Variants in TLL1 observed in about 807,000 individuals in gnomAD.
TLL1 encodes tolloid-like protein 1.
TLL1 carries 49 observed loss-of-function variants against 128.2 expected under a neutral mutation model. The ratio of observed to expected loss-of-function variants is 0.38; its 90% CI spans 0.30 to 0.48. The LOEUF (loss-of-function observed/expected upper bound fraction) is 0.48, where lower values mean the gene tolerates loss of function less well. Ranked by LOEUF, TLL1 falls within the 20% of genes least tolerant of loss-of-function variation. TLL1 has a pLI of 0.96. For synonymous variants in TLL1, 454 were observed against 418.8 expected (o/e 1.08, Z -1.03); for missense variants, 1,123 against 1,242.0 (o/e 0.90, Z 1.44).
intron 18 of TLL1, among the ~76,000 whole-genome samples, chr4:166,087,071 T>C (rs1741553824): frequency 6.6e-6 from 1 of 152,188 alleles, no homozygotes; most frequent in Non-Finnish European, 1.5e-5. Flanking sequence ...CTGTCTTGGT[T>C]CTGAAAGACT....
In TLL1 at chr4:166,039,525, G is replaced by C; in HGVS notation, c.1261+84G>C. 4.1e-6 allele frequency: 4 copies of C among 968,122 alleles called. No homozygotes were observed. The South Asian group carries it at 5.4e-5, about 13-fold the overall frequency. 60.0% of individuals were successfully genotyped at this position (968,122 alleles called of 1,614,324 possible). On this transcript the variant is annotated intron_variant, in intron 10 of 20. Coordinates refer to ENST00000061240, the MANE Select transcript of TLL1 (RefSeq NM_012464.5). ...CCAACCGATTCTCTCAAGAGTCATC[G>C]TAGAGTTAAAAATGTGTGTGACTAA...
At chr4:165,902,207 G>GT (rs1194399232) in intron 1 of TLL1, among the ~76,000 whole-genome samples, 1 of 152,060 alleles carries the variant, frequency 6.6e-6, no homozygotes, top group Non-Finnish European at 1.5e-5. Context: ...TGCTGAGCTA[G>GT]ACCACTTGGG....
At chr4:166,051,802 G>A (rs140186514) in intron 12 of TLL1, among the ~76,000 whole-genome samples, 2 of 152,134 alleles carry the variant, frequency 1.3e-5, no homozygotes, top group East Asian at 3.9e-4. Context: ...TTATTTTCTA[G>A]GCAACTCAAA....
intron 1 of TLL1, among the ~76,000 whole-genome samples, chr4:165,981,340 T>G (rs1242588992): frequency 1.3e-5 from 2 of 152,080 alleles, no homozygotes; most frequent in African/African-American, 4.8e-5. Flanking sequence ...TTTCCAAAGA[T>G]TACAAAAGGA....
intron 8 of TLL1, among the ~76,000 whole-genome samples, chr4:166,018,410 C>T (rs935859204): frequency 1.3e-5 from 2 of 152,050 alleles, no homozygotes; most frequent in Non-Finnish European, 2.9e-5. Context: ...TAATTTATGA[C>T]TAAGTCCTCA....
At chr4:165,888,386 C>A (rs1731254323) in intron 1 of TLL1, among the ~76,000 whole-genome samples, 1 of 152,076 alleles carries the variant, frequency 6.6e-6, no homozygotes, top group Admixed American at 6.6e-5. Flanking sequence ...ACCTACCTTG[C>A]ATTCCTGGGA....
intron 15 of TLL1, among the ~76,000 whole-genome samples, chr4:166,063,623 A>G (rs529766833): frequency 3.3e-5 from 5 of 152,304 alleles, no homozygotes; most frequent in African/African-American, 1.2e-4. Context: ...TGGATTAAGA[A>G]ACTGTGGCAC....
At position 166,065,623 on chromosome 4, in the gene TLL1, A is replaced by G. The variant is rs943744747; in HGVS notation, c.2008-60A>G. ...GAAAAATAAGATATGTTTTTTTAAG[A>G]TAAATGTCAATCATCTTGTACTCAC... is the stretch of plus-strand genomic sequence containing the variant. On this transcript the variant is annotated intron_variant, in intron 15 of 20. Transcript: ENST00000061240. The G allele has an allele frequency of 2.9e-5, 45 of 1,549,614 alleles. No homozygotes were observed. The African/African-American group carries it at 6.0e-4, about 21-fold the overall frequency.
At chr4:165,928,207 A>T (rs1490398599) in intron 1 of TLL1, among the ~76,000 whole-genome samples, 1 of 152,244 alleles carries the variant, frequency 6.6e-6, no homozygotes, top group East Asian at 1.9e-4. Flanking sequence ...TGGTGAAATC[A>T]TTGACTCAAC....
At chr4:165,996,611 TAAAC>T (rs10615717) in intron 5 of TLL1, among the ~76,000 whole-genome samples, 33,606 of 90,396 alleles carry the variant, frequency 0.37, 7,654 homozygotes, top group African/African-American at 0.67. Flanking sequence ...AATAAATAAA[TAAAC>T]AAACAAACAA....
intron 9 of TLL1, among the ~76,000 whole-genome samples, chr4:166,027,534 T>TAC (rs1426170969): frequency 6.6e-6 from 1 of 152,176 alleles, no homozygotes; most frequent in Non-Finnish European, 1.5e-5. Flanking sequence ...TGACTTGGAA[T>TAC]ACATGAATGC....
intron 8 of TLL1, among the ~76,000 whole-genome samples, chr4:166,018,454 G>C (rs1256067005): frequency 6.6e-5 from 10 of 152,014 alleles, no homozygotes; most frequent in Non-Finnish European, 1.5e-5. Context: ...ATTGACAAGT[G>C]GGACTTAATT....
At chr4:165,964,604 T>C (rs1735278759) in intron 1 of TLL1, among the ~76,000 whole-genome samples, 1 of 152,188 alleles carries the variant, frequency 6.6e-6, no homozygotes, top group African/African-American at 2.4e-5. Context: ...AGGGTTGTTG[T>C]ATGAGTATTC....
At position 165,949,707 on chromosome 4, in the gene TLL1, A is replaced by G. The variant is rs1278473049; in HGVS notation, c.170-39674A>G. Among the ~76,000 whole-genome samples the G allele has an allele frequency of 2.6e-5, 4 of 152,238 alleles. 1 individual carries two copies. In the Middle Eastern group the frequency reaches 0.01, roughly 388 times the overall value. On this transcript the variant is annotated intron_variant, in intron 1 of 20. Coordinates refer to ENST00000061240, the MANE Select transcript of TLL1 (RefSeq NM_012464.5). The stretch of plus-strand genomic sequence containing the variant: ...GGGTTTCTTCCTGTGAAACCAATAT[A>G]GTCTCATGGTACTTATTCACTACCA...
chr4:166,086,402 G>T (rs1741518153), intron 18 of TLL1, among the ~76,000 whole-genome samples: 1 of 152,050 alleles, frequency 6.6e-6, no homozygotes. Flanking sequence ...AGTGGCATCA[G>T]TATTTAAGTA....
intron 7 of TLL1, among the ~76,000 whole-genome samples, chr4:166,012,189 A>G (rs1232236924): frequency 6.6e-6 from 1 of 151,560 alleles, no homozygotes; most frequent in Non-Finnish European, 1.5e-5. Flanking sequence ...TGTAGTTAGA[A>G]CAAATCAAGA....
intron 18 of TLL1, among the ~76,000 whole-genome samples, chr4:166,090,613 CAA>C (rs925768775): frequency 7.2e-5 from 11 of 152,044 alleles, no homozygotes; most frequent in African/African-American, 2.6e-4. Context: ...GCTAAATAAA[CAA>C]ATATATAGTG....
chr4:166,025,327 A>G lies in TLL1; in HGVS notation c.1054A>G (p.Thr352Ala). The change falls in exon 9 of 21, where the codon ACT becomes GCT. Residue 352 changes from threonine to alanine, a missense_variant. Around this residue, in one of 3 missense-constraint regions of TLL1, gnomAD observed 480 missense variants for 542.4 expected, o/e 0.89. Coordinates refer to ENST00000061240, the MANE Select transcript of TLL1 (RefSeq NM_012464.5). ...KLYRCPACGE[T>A]LQESNGNLSS... ...TTTTTTCCTTTCAGCATGTGGAGAA[A>G]CTCTACAAGAATCCAATGGCAACCT... 1 of 1,612,044 alleles carries G rather than the reference A, an allele frequency of 6.2e-7. No homozygotes were observed. Among genetic ancestry groups the G allele is most frequent in the Non-Finnish European group, 8.5e-7 (1 of 1,178,282 alleles).
At chr4:165,888,752 G>A (rs1452190128) in intron 1 of TLL1, among the ~76,000 whole-genome samples, 3 of 152,012 alleles carry the variant, frequency 2.0e-5, no homozygotes, top group South Asian at 4.2e-4. Flanking sequence ...GAAAATTCTC[G>A]TGTGCAAGTA....
Sources: gnomAD v4.1 joint callset for allele counts (sites outside exome capture counted in the v4.1 genomes callset) on GRCh38, gnomAD v4.1.1 for gene constraint, gnomAD v4.1.1 regional missense constraint, MANE v1.5 for transcripts, NCBI Gene and HGNC (gene_info 2026-07-23, HGNC 2026-07-21) for gene names.